GLCE: variants seen among roughly 807,000 people sequenced by gnomAD.
The protein encoded by GLCE is D-glucuronyl C5-epimerase.
In GLCE, 19 loss-of-function variants were observed where a neutral mutation model predicts 47.9. That is an observed-to-expected ratio of 0.40 (90% CI 0.28 to 0.58). The LOEUF is 0.58. Among genes scored for constraint, GLCE ranks in the 20% least tolerant of loss-of-function variants. The pLI, the probability that GLCE is intolerant of heterozygous loss-of-function variation, is 0.48. For synonymous variants in GLCE, 245 were observed against 263.4 expected (o/e 0.93, Z 0.68); for missense variants, 556 against 743.3 (o/e 0.75, Z 2.93).
intron 2 of GLCE, among the ~76,000 whole-genome samples, chr15:69,220,205 C>G (rs952735220): frequency 6.6e-6 from 1 of 151,916 alleles, no homozygotes; most frequent in Non-Finnish European, 1.5e-5. Context: ...TCTTTGAGAG[C>G]CTGTTTTAAG....
Position 69,255,999 on chromosome 15 carries a change from A to G in GLCE, c.193A>G (p.Met65Val), listed in dbSNP as rs12440300. 0.018 allele frequency: 28,396 copies of G among 1,614,064 alleles called. 322 individuals are homozygous for G. Among genetic ancestry groups the G allele is most frequent in the Admixed American group, 0.038 (2,303 of 60,008 alleles). The change falls in exon 3 of 5, where the codon ATG becomes GTG. Residue 65 changes from methionine to valine, a missense_variant. Met to Val is a conservative substitution (Grantham distance 21). Transcript: ENST00000261858. ...AGCAGCATCTGAGAGTAACAACTAT[A>G]TGAACCACGTGGCCAAACAACAGTC... ...RAAASESNNY[M>V]NHVAKQQSEE...
chr15:69,173,097 A>T (rs1351414524), intron 1 of GLCE, among the ~76,000 whole-genome samples: 1 of 152,168 alleles, frequency 6.6e-6, no homozygotes, highest in Non-Finnish European at 1.5e-5. Flanking sequence ...GTGGTTTATT[A>T]TAACTATCCC....
intron 1 of GLCE, among the ~76,000 whole-genome samples, chr15:69,200,569 C>T (rs1040812124): frequency 1.3e-5 from 2 of 152,028 alleles, no homozygotes; most frequent in African/African-American, 4.8e-5. Context: ...TTGATAATGA[C>T]AGATGTAGGG....
intron 3 of GLCE, among the ~76,000 whole-genome samples, chr15:69,258,937 A>G (rs976636100): frequency 1.3e-5 from 2 of 152,154 alleles, no homozygotes; most frequent in African/African-American, 4.8e-5. Context: ...TTCTGAGAAT[A>G]TAATTAACTG....
chr15:69,239,562 A>G (rs1156485714), intron 2 of GLCE, among the ~76,000 whole-genome samples: 5 of 152,192 alleles, frequency 3.3e-5, no homozygotes, highest in African/African-American at 1.2e-4. Flanking sequence ...CCCCACATCT[A>G]GTTACCACTG....
At position 69,270,002 on chromosome 15, in the gene GLCE, C is replaced by T. The variant is rs1255140569; in HGVS notation, c.*758C>T. The T allele has an allele frequency of 6.6e-6, 1 of 152,544 alleles. No homozygotes were observed. The highest frequency in any genetic ancestry group is 1.5e-5 in the Non-Finnish European group (1 of 68,010). 9.4% of individuals were successfully genotyped at this position (152,544 alleles called of 1,614,324 possible). On this transcript the variant is annotated 3_prime_UTR_variant, in exon 5 of 5. Transcript: ENST00000261858. ...ATAATCAGTATATCCCTTCCCAACC[C>T]CCATTGTGACAGTTTCTTTTTGTCA...
At chr15:69,224,420 G>T (rs2052418134) in intron 2 of GLCE, among the ~76,000 whole-genome samples, 1 of 152,120 alleles carries the variant, frequency 6.6e-6, no homozygotes, top group Non-Finnish European at 1.5e-5. Flanking sequence ...TTAATGTCTG[G>T]CTCCCAAAAG....
intron 4 of GLCE, among the ~76,000 whole-genome samples, chr15:69,264,201 T>C (rs1012164089): frequency 1.4e-5 from 2 of 142,396 alleles, no homozygotes. Context: ...CATTCTACTG[T>C]TTCTGTGAGT....
chr15:69,211,789 A>G (rs1206421001), intron 2 of GLCE, among the ~76,000 whole-genome samples: 1 of 152,044 alleles, frequency 6.6e-6, no homozygotes, highest in Non-Finnish European at 1.5e-5. Flanking sequence ...GTAAGCTTCT[A>G]AAATCTTCAT....
At chr15:69,162,180 T>G (rs1455764213) in intron 1 of GLCE, among the ~76,000 whole-genome samples, 1 of 152,158 alleles carries the variant, frequency 6.6e-6, no homozygotes, top group Non-Finnish European at 1.5e-5. Flanking sequence ...TTAATCGAGC[T>G]TTTTTAGAGA....
chr15:69,224,637 T>C (rs560347464), intron 2 of GLCE, among the ~76,000 whole-genome samples: 1 of 152,206 alleles, frequency 6.6e-6, no homozygotes, highest in African/African-American at 2.4e-5. Flanking sequence ...GAGGACAAGG[T>C]CCTTTTTGCC....
intron 2 of GLCE, among the ~76,000 whole-genome samples, chr15:69,225,626 A>G (rs903201250): frequency 6.6e-6 from 1 of 152,174 alleles, no homozygotes; most frequent in Non-Finnish European, 1.5e-5. Context: ...AATTATGTGT[A>G]AATTTGTAGA....
In GLCE at chr15:69,189,669, G is replaced by A. The variant is rs571286581; in HGVS notation, c.-104-20647G>A. 1.4e-4 allele frequency among the ~76,000 whole-genome samples: 22 copies of A among 152,174 alleles called. 1 individual carries two copies. The East Asian group carries it at 1.9e-3, about 13-fold the overall frequency. The stretch of plus-strand genomic sequence containing the variant: ...TCTCAAAGAACCAGCTTTTGGTTTC[G>A]TTGACTTTTTTCTATTTCTTTTCTG... On this transcript the variant is annotated intron_variant, in intron 1 of 4. Transcript: ENST00000261858.
At chr15:69,168,693 C>G (rs8035492) in intron 1 of GLCE, among the ~76,000 whole-genome samples, 33 of 152,100 alleles carry the variant, frequency 2.2e-4, no homozygotes, top group African/African-American at 8.0e-4. Flanking sequence ...CCACCACTCC[C>G]GGCTAATTTT....
At chr15:69,170,454 A>G (rs2051572610) in intron 1 of GLCE, among the ~76,000 whole-genome samples, 1 of 152,186 alleles carries the variant, frequency 6.6e-6, no homozygotes, top group Admixed American at 6.5e-5. Flanking sequence ...GCCATTGTTA[A>G]CAGTTTTTTA....
chr15:69,211,565 A>C (rs371839076), intron 2 of GLCE, among the ~76,000 whole-genome samples: 2 of 151,982 alleles, frequency 1.3e-5, no homozygotes, highest in South Asian at 4.1e-4. Flanking sequence ...ATAAGATAGA[A>C]GGAGAAAATA....
chr15:69,222,234 C>T (rs2052387132), intron 2 of GLCE, among the ~76,000 whole-genome samples: 1 of 152,150 alleles, frequency 6.6e-6, no homozygotes. Context: ...AACAGCATTC[C>T]ATGAGGTATG....
At chr15:69,227,034 C>G (rs953918257) in intron 2 of GLCE, among the ~76,000 whole-genome samples, 2 of 152,044 alleles carry the variant, frequency 1.3e-5, no homozygotes, top group Non-Finnish European at 2.9e-5. Flanking sequence ...CGTGAGCCAC[C>G]ATGCCCAGCC....
chr15:69,179,077 A>G (rs893416703), intron 1 of GLCE, among the ~76,000 whole-genome samples: 1 of 152,200 alleles, frequency 6.6e-6, no homozygotes, highest in African/African-American at 2.4e-5. Flanking sequence ...ATGCATATGC[A>G]CACATTAATA....
Sources: allele counts gnomAD v4.1 joint callset (sites outside exome capture counted in the v4.1 genomes callset), GRCh38; gene constraint gnomAD v4.1.1; transcripts MANE v1.5; gene names NCBI Gene and HGNC (gene_info 2026-07-23, HGNC 2026-07-21).